The following BACH2 variants were observed in gnomAD, a reference collection of about 807,000 sequenced individuals.
BACH2 encodes BACH transcriptional regulator 2.
Under a neutral mutation model 61.8 loss-of-function variants are expected in BACH2, and 5 were observed. The ratio of observed to expected loss-of-function variants is 0.08; its 90% CI spans 0.04 to 0.17. BACH2 has a LOEUF of 0.17. Ranked by LOEUF, BACH2 falls within the 10% of genes least tolerant of loss-of-function variation. The probability of loss-of-function intolerance (pLI) is 1.00; values close to 1 mark genes in which losing one functional copy is unlikely to be tolerated. For missense variants in BACH2, 824 were observed against 1,091.1 expected (o/e 0.76, Z 3.45); for synonymous variants, 446 against 440.1 (o/e 1.01, Z -0.17).
intron 4 of BACH2, among the ~76,000 whole-genome samples, chr6:90,169,819 T>C (rs1010745385): frequency 2.0e-5 from 3 of 152,256 alleles, no homozygotes; most frequent in South Asian, 2.1e-4. Flanking sequence ...CAATTGGGAC[T>C]TTCAGAACCA....
Position 90,228,701 on chromosome 6 carries a change from T to C in BACH2, c.-274-22020A>G, listed in dbSNP as rs555530980. Among the ~76,000 whole-genome samples the C allele has an allele frequency of 5.3e-3, 800 of 152,298 alleles. 10 individuals carry two copies. Among genetic ancestry groups the C allele is most frequent in the African/African-American group, 0.018 (765 of 41,576 alleles). On this transcript the variant is annotated intron_variant, in intron 3 of 8. Coordinates refer to ENST00000257749, the MANE Select transcript of BACH2 (RefSeq NM_021813.4). ...GGGCAGTGAGCCGAGATGGCACCAC[T>C]GCACTCCAGCCTGGGTGACAGCAAG...
At chr6:90,079,700 A>C (rs1781638531) in intron 5 of BACH2, among the ~76,000 whole-genome samples, 1 of 152,164 alleles carries the variant, frequency 6.6e-6, no homozygotes, top group South Asian at 2.1e-4. Flanking sequence ...CTTGCACTAC[A>C]TATTCTGATT....
rs1199497471 is a variant in BACH2 at position 90,267,704 on chromosome 6, TAAAAA to T, written c.-353+4140_-353+4144del. On this transcript the variant is annotated intron_variant, in intron 2 of 8. Coordinates refer to ENST00000257749, the MANE Select transcript of BACH2 (RefSeq NM_021813.4). ...ATACCATAGGATATTATGCAACTGT[TAAAAA>T]GAGCCACTAGATTCATATTTGATAA... 7.9e-5 allele frequency among the ~76,000 whole-genome samples: 12 copies of T among 152,280 alleles called. No homozygotes were observed. In the East Asian group the frequency reaches 1.4e-3, roughly 17 times the overall value.
At chr6:90,218,508 T>TTC (rs1190436593) in intron 3 of BACH2, among the ~76,000 whole-genome samples, 1 of 104,296 alleles carries the variant, frequency 9.6e-6, no homozygotes, top group Non-Finnish European at 2.4e-5. Context: ...TTTTCTTTCT[T>TTC]TTTTTTTTTT....
chr6:90,179,083 C>T (rs1582454337), intron 4 of BACH2, among the ~76,000 whole-genome samples: 1 of 152,158 alleles, frequency 6.6e-6, no homozygotes, highest in East Asian at 1.9e-4. Flanking sequence ...AATCACATTG[C>T]CAGTAAGTTT....
intron 3 of BACH2, among the ~76,000 whole-genome samples, chr6:90,220,211 T>C (rs991199060): frequency 2.0e-5 from 3 of 152,240 alleles, no homozygotes; most frequent in African/African-American, 4.8e-5. Flanking sequence ...TATAACTCTA[T>C]ACATTTTTAA....
chr6:90,286,060 A>G (rs1048618570), intron 1 of BACH2, among the ~76,000 whole-genome samples: 20 of 152,196 alleles, frequency 1.3e-4, no homozygotes, highest in Non-Finnish European at 2.4e-4. Context: ...ACTCACTCTT[A>G]GTGTTGCTAT....
intron 1 of BACH2, among the ~76,000 whole-genome samples, chr6:90,296,133 C>A (rs1485730512): frequency 6.6e-6 from 1 of 152,042 alleles, no homozygotes; most frequent in Non-Finnish European, 1.5e-5. Context: ...CCGCCCTCCC[C>A]ATGCCTGACT....
rs901418453 is a variant in BACH2, at chr6:90,296,730, G to C, written c.-696C>G. On this transcript the variant is annotated 5_prime_UTR_variant, in exon 1 of 9. Coordinates refer to ENST00000257749, the MANE Select transcript of BACH2 (RefSeq NM_021813.4). ...CGGGAGTGGGCAGGCGGGGTGGCGA[G>C]GGCGGCGGCCGCTCACGTTAGCGCT... The C allele has an allele frequency of 6.5e-6, 1 of 154,520 alleles. No homozygotes were observed. Among genetic ancestry groups the C allele is most frequent in the East Asian group, 1.9e-4 (1 of 5,226 alleles). The allele number at this position is 154,520 out of a possible 1,614,324, so 9.6% of individuals were successfully genotyped here. A position where few individuals can be genotyped will look rare whatever the true frequency, so the allele number is the denominator to read the frequency against.
chr6:90,282,387 A>G (rs182619281), intron 1 of BACH2, among the ~76,000 whole-genome samples: 2 of 152,040 alleles, frequency 1.3e-5, no homozygotes, highest in African/African-American at 4.8e-5. Flanking sequence ...GCTCCCACTT[A>G]TAAGTGAGAA....
intron 6 of BACH2, among the ~76,000 whole-genome samples, chr6:89,983,631 T>C (rs1387953197): frequency 6.6e-6 from 1 of 152,174 alleles, no homozygotes; most frequent in Admixed American, 6.5e-5. Context: ...ATCACGCCAT[T>C]GCACTCCAGC....
chr6:90,248,376 T>C (rs1770703163), intron 3 of BACH2, among the ~76,000 whole-genome samples: 1 of 152,210 alleles, frequency 6.6e-6, no homozygotes, highest in Non-Finnish European at 1.5e-5. Context: ...GAAGTGGATA[T>C]TACATACAGC....
chr6:90,251,174 G>A (rs1770796172), intron 3 of BACH2, among the ~76,000 whole-genome samples: 1 of 150,986 alleles, frequency 6.6e-6, no homozygotes, highest in Admixed American at 6.6e-5. Context: ...TTTTAATCCT[G>A]ATGATTTGTA....
At chr6:90,046,223 T>C (rs1779771609) in intron 5 of BACH2, among the ~76,000 whole-genome samples, 1 of 152,210 alleles carries the variant, frequency 6.6e-6, no homozygotes, top group South Asian at 2.1e-4. Flanking sequence ...TGTGGAAACT[T>C]GGAAACATGG....
chr6:89,956,425 CGT>C (rs371772615), intron 6 of BACH2, among the ~76,000 whole-genome samples: 112 of 152,256 alleles, frequency 7.4e-4, no homozygotes, highest in African/African-American at 2.5e-3. Flanking sequence ...GCCAGGGTAC[CGT>C]GTCCGATGGT....
intron 5 of BACH2, among the ~76,000 whole-genome samples, chr6:90,085,349 G>A (rs1419041865): frequency 2.6e-5 from 4 of 152,112 alleles, no homozygotes; most frequent in South Asian, 2.1e-4. Flanking sequence ...GTCCACCTCC[G>A]CTGATTAAGA....
chr6:90,092,280 T>TAAAAAAAAAA lies in BACH2; in HGVS notation c.-161-3181_-161-3172dup, dbSNP rs200675044. Among the ~76,000 whole-genome samples the TAAAAAAAAAA allele has an allele frequency of 1.1e-3, 84 of 76,950 alleles. 1 individual carries two copies. The East Asian group carries it at 0.015, about 14-fold the overall frequency. 50.5% of individuals were successfully genotyped at this position (76,950 alleles called of 152,430 possible). ...CTGTGCAATTGGCACACTGTCAAAG[T>TAAAAAAAAAA]AAAAAAAAAAAATATATATATATAT... On this transcript the variant is annotated intron_variant, in intron 4 of 8. Transcript: ENST00000257749.
chr6:90,009,998 T>A (rs934206340), intron 5 of BACH2, among the ~76,000 whole-genome samples: 2 of 151,564 alleles, frequency 1.3e-5, no homozygotes. Flanking sequence ...GTATCTGTAA[T>A]TAATTTATAT....
At chr6:90,152,849 G>C (rs1437862342) in intron 4 of BACH2, among the ~76,000 whole-genome samples, 1 of 152,088 alleles carries the variant, frequency 6.6e-6, no homozygotes, top group African/African-American at 2.4e-5. Context: ...CAGTTATAGC[G>C]CTAACATTTC....
Sources: gnomAD v4.1 joint callset for allele counts (sites outside exome capture counted in the v4.1 genomes callset) on GRCh38, gnomAD v4.1.1 for gene constraint, MANE v1.5 for transcripts, NCBI Gene and HGNC (gene_info 2026-07-23, HGNC 2026-07-21) for gene names.